CALU: variants seen among roughly 807,000 people sequenced by gnomAD.
The protein encoded by CALU is IEF SSP 9302.
CALU carries 13 observed loss-of-function variants against 37.5 expected under a neutral mutation model. The ratio of observed to expected loss-of-function variants is 0.35; its 90% CI spans 0.23 to 0.55. The LOEUF is 0.55. CALU is among the 20% of genes least tolerant of loss of function. CALU has a pLI of 0.89. For missense variants in CALU, 282 were observed against 391.7 expected, an observed-to-expected ratio of 0.72 and a Z score of 2.36; for synonymous variants, 114 against 133.8, an observed-to-expected ratio of 0.85 and a Z score of 1.02.
intron 1 of CALU, among the ~76,000 whole-genome samples, chr7:128,745,568 A>G (rs1017075300): frequency 1.3e-5 from 2 of 152,148 alleles, no homozygotes; most frequent in Admixed American, 6.5e-5. Context: ...TCACACCACT[A>G]TATCTAGCCT....
intron 3 of CALU, among the ~76,000 whole-genome samples, chr7:128,757,235 G>A (rs1800919499): frequency 6.6e-6 from 1 of 152,176 alleles, no homozygotes; most frequent in Non-Finnish European, 1.5e-5. Context: ...TAAAGTATAA[G>A]TTGTCTTGTT....
rs546540725 is a variant in CALU at position 128,750,050 on chromosome 7, C to T, written c.221+1246C>T. On this transcript the variant is annotated intron_variant, in intron 2 of 6. Transcript: ENST00000249364. ...GACCATCCTGGCTAACACTGTGAAA[C>T]CCCATCTCTACTAAAAATACAAAAA... Among the ~76,000 whole-genome samples the T allele has an allele frequency of 2.0e-5, 3 of 151,888 alleles. No individual in the cohort carries two copies. In the East Asian group the frequency reaches 5.8e-4, roughly 29 times the overall value.
intron 1 of CALU, among the ~76,000 whole-genome samples, chr7:128,740,631 A>G (rs541507749): frequency 1.8e-5 from 2 of 113,204 alleles, no homozygotes; most frequent in African/African-American, 6.9e-5. Flanking sequence ...CCAAGACCTA[A>G]TCTGAGGTTT....
chr7:128,761,680 T>TAA (rs1468744004), intron 5 of CALU: 2 of 152,232 alleles, frequency 1.3e-5, no homozygotes, highest in Non-Finnish European at 2.9e-5. Context: ...AGAAAGATAT[T>TAA]AGATATTTTA....
chr7:128,753,631 A>G (rs1166423562), intron 2 of CALU, among the ~76,000 whole-genome samples: 3 of 152,212 alleles, frequency 2.0e-5, no homozygotes, highest in Non-Finnish European at 4.4e-5. Flanking sequence ...ACAGTATTTA[A>G]AAGCTGCTAG....
chr7:128,753,790 G>C (rs563832905), intron 2 of CALU, among the ~76,000 whole-genome samples: 1 of 152,208 alleles, frequency 6.6e-6, no homozygotes, highest in East Asian at 1.9e-4. Flanking sequence ...AATTTTTGAA[G>C]TCTGATGTAA....
chr7:128,753,309 C>G (rs1010374750), intron 2 of CALU, among the ~76,000 whole-genome samples: 1 of 152,234 alleles, frequency 6.6e-6, no homozygotes, highest in Non-Finnish European at 1.5e-5. Flanking sequence ...TTGACTTCAA[C>G]TTCATATTCC....
chr7:128,741,947 A>T (rs146036270), intron 1 of CALU, among the ~76,000 whole-genome samples: 223 of 152,328 alleles, frequency 1.5e-3, no homozygotes, highest in African/African-American at 5.2e-3. Context: ...CTTGAGTAAT[A>T]GTTTCAGACA....
chr7:128,767,917 G>A (rs186626699), intron 6 of CALU, among the ~76,000 whole-genome samples: 68 of 152,222 alleles, frequency 4.5e-4, no homozygotes, highest in African/African-American at 1.6e-3. Flanking sequence ...CCTGTGCCCA[G>A]CATGCATCAT....
In CALU at chr7:128,772,618, C is replaced by T. The variant is rs755147227; in HGVS notation, c.*3451C>T. ...AGCTGCATGTGTCGGATTCATCTGT[C>T]ATGGCCTTCCCACACACCATCTTCA... is the stretch of plus-strand genomic sequence containing the variant. On this transcript the variant is annotated 3_prime_UTR_variant, in exon 7 of 7. Transcript: ENST00000249364. 5.6e-6 allele frequency: 9 copies of T among 1,614,152 alleles called. No homozygotes were observed. Among genetic ancestry groups the T allele is most frequent in the Non-Finnish European group, 2.5e-6 (3 of 1,180,024 alleles).
chr7:128,744,229 A>G (rs186472388), intron 1 of CALU, among the ~76,000 whole-genome samples: 3 of 152,270 alleles, frequency 2.0e-5, no homozygotes, highest in South Asian at 4.1e-4. Context: ...GAAGTGCACT[A>G]AAGTAGATTT....
intron 5 of CALU, among the ~76,000 whole-genome samples, chr7:128,760,218 T>C (rs1362333329): frequency 1.3e-5 from 2 of 151,924 alleles, no homozygotes; most frequent in Admixed American, 1.3e-4. Flanking sequence ...GAAAGAAAGA[T>C]GTATTTGCCC....
At chr7:128,748,445 A>G (rs41274149) in intron 1 of CALU, 128 bp from the exon 2 acceptor site, 2 of 1,219,732 alleles carry the variant, frequency 1.6e-6, no homozygotes, top group South Asian at 1.4e-5. Context: ...AATATTTGGG[A>G]TAATATAAAA....
chr7:128,749,170 TGGC>T (rs1240622759), intron 2 of CALU, among the ~76,000 whole-genome samples: 1 of 152,248 alleles, frequency 6.6e-6, no homozygotes, highest in Admixed American at 6.5e-5. Flanking sequence ...CCTACTGACC[TGGC>T]ACAAGCCAAG....
intron 3 of CALU, 94 bp downstream of exon 3, chr7:128,754,549 A>G: frequency 6.4e-7 from 1 of 1,559,780 alleles, no homozygotes; most frequent in Non-Finnish European, 8.7e-7. Flanking sequence ...GATAAAATAG[A>G]CGCGGATAAA....
At chr7:128,766,705 C>T (rs1801350054) in intron 5 of CALU, among the ~76,000 whole-genome samples, 1 of 152,100 alleles carries the variant, frequency 6.6e-6, no homozygotes, top group Non-Finnish European at 1.5e-5. Flanking sequence ...GATCTGCCTG[C>T]CTAGGCCTCC....
chr7:128,771,488 A>G lies in CALU; in HGVS notation c.*2321A>G, dbSNP rs1399164368. ...TGTTTACATTCATTATGGGGTATGT[A>G]TGACCTTCATTTTCCAAGAAATAGA... On this transcript the variant is annotated 3_prime_UTR_variant, in exon 7 of 7. Coordinates refer to ENST00000249364, the MANE Select transcript of CALU (RefSeq NM_001219.5). 6.6e-6 allele frequency: 1 copy of G among 152,648 alleles called. No individual in the cohort carries two copies. Among genetic ancestry groups the G allele is most frequent in the African/African-American group, 2.4e-5 (1 of 41,454 alleles). The allele number at this position is 152,648 out of a possible 1,614,324, so 9.5% of individuals were successfully genotyped here.
At position 128,754,331 on chromosome 7, in the gene CALU, T is replaced by A; in HGVS notation, c.291T>A (p.Ile97=). 1 of 1,614,160 alleles carries A rather than the reference T, an allele frequency of 6.2e-7. No homozygotes were observed. The highest frequency in any genetic ancestry group is 8.5e-7 in the Non-Finnish European group (1 of 1,179,992). ...CTGTGGATGAGCTCAAAGACTGGAT[T>A]AAATTTGCACAAAAGCGCTGGATTT... is the stretch of plus-strand genomic sequence containing the variant. ...FVTVDELKDW[I]KFAQKRWIYE... The change falls in exon 3 of 7, where the codon ATT becomes ATA. Residue 97 remains isoleucine, a synonymous_variant. Coordinates refer to ENST00000249364, the MANE Select transcript of CALU (RefSeq NM_001219.5).
Position 128,762,747 on chromosome 7 carries a change from A to G in CALU, c.643+2895A>G, listed in dbSNP as rs557718341. Among the ~76,000 whole-genome samples, 6 of 152,138 alleles carry G rather than the reference A, an allele frequency of 3.9e-5. No homozygotes were observed. In the East Asian group the frequency reaches 1.2e-3, roughly 29 times the overall value. ...AGTGGCGTGATCTCCACTCACTACA[A>G]TCTCTGCCTCCCAGGTTCAGGCGAT... is the stretch of plus-strand genomic sequence containing the variant. On this transcript the variant is annotated intron_variant, in intron 5 of 6. Coordinates refer to ENST00000249364, the MANE Select transcript of CALU (RefSeq NM_001219.5).
Sources: gnomAD v4.1 joint callset for allele counts (sites outside exome capture counted in the v4.1 genomes callset) on GRCh38, gnomAD v4.1.1 for gene constraint, MANE v1.5 for transcripts, NCBI Gene and HGNC (gene_info 2026-07-23, HGNC 2026-07-21) for gene names.